The following CACNA1I variants were observed in gnomAD, a reference collection of about 807,000 sequenced individuals.
The protein encoded by CACNA1I is voltage-dependent T-type calcium channel subunit alpha-1I.
CACNA1I carries 74 observed loss-of-function variants against 201.6 expected under a neutral mutation model. The ratio of observed to expected loss-of-function variants is 0.37; its 90% CI spans 0.30 to 0.45. CACNA1I has a LOEUF of 0.45. Ranked by LOEUF, CACNA1I falls within the 20% of genes least tolerant of loss-of-function variation. CACNA1I has a pLI of 1.00. For synonymous variants in CACNA1I, 1,431 were observed against 1,345.2 expected, an observed-to-expected ratio of 1.06 and a Z score of -1.40; for missense variants, 2,346 against 3,138.1, an observed-to-expected ratio of 0.75 and a Z score of 6.03.
At position 39,677,629 on chromosome 22, in the gene CACNA1I, C is replaced by T. The variant is rs1935553731; in HGVS notation, c.4933+210C>T. Among the ~76,000 whole-genome samples the T allele has an allele frequency of 6.6e-6, 1 of 152,224 alleles. No individual in the cohort carries two copies. The highest frequency in any genetic ancestry group is 2.4e-5 in the African/African-American group (1 of 41,454). ...TGGTGCCTGTCCTGAGCCAGCGCCACCCCAGCAAGTGGAGAGGCCAGGGCA... is the reference window on the plus strand; with the variant it reads ...TGGTGCCTGTCCTGAGCCAGCGCCATCCCAGCAAGTGGAGAGGCCAGGGCA... On this transcript the variant is annotated intron_variant, in intron 30 of 36. Transcript: ENST00000402142. The surrounding 1 kb of genome is among the most constrained non-coding windows in gnomAD (Gnocchi z 4.8).
Position 39,677,856 on chromosome 22 carries a change from G to C in CACNA1I, c.4934-131G>C. ...CTCCCCGAGCCTCAGTTTATCTGTGGGCTGGGCACAGTCTGCAGGCCCCTC... is the reference window on the plus strand; with the variant it reads ...CTCCCCGAGCCTCAGTTTATCTGTGCGCTGGGCACAGTCTGCAGGCCCCTC... On this transcript the variant is annotated intron_variant, in intron 30 of 36. Transcript: ENST00000402142. The surrounding 1 kb of genome is among the most constrained non-coding windows in gnomAD (Gnocchi z 4.8). 4.8e-6 allele frequency: 5 copies of C among 1,043,148 alleles called. No individual in the cohort carries two copies. The highest frequency in any genetic ancestry group is 6.8e-6 in the Non-Finnish European group (5 of 740,234). The allele number at this position is 1,043,148 out of a possible 1,614,324, so 64.6% of individuals were successfully genotyped here.
chr22:39,611,688 G>A (rs992189717), intron 3 of CACNA1I, among the ~76,000 whole-genome samples: 1 of 152,184 alleles, frequency 6.6e-6, no homozygotes, highest in Admixed American at 6.5e-5. Context: ...TAACTGGGAA[G>A]CTTCTATTTA....
At chr22:39,583,424 C>T (rs116941104) in intron 1 of CACNA1I, among the ~76,000 whole-genome samples, 1,640 of 152,268 alleles carry the variant, frequency 0.011, 11 homozygotes, top group Admixed American at 0.018. Context: ...AGCCATCCAT[C>T]CATCTATCCA....
rs375623527 is a variant in CACNA1I at position 39,659,565 on chromosome 22, C to A, written c.2448+15C>A. 5.0e-6 allele frequency: 8 copies of A among 1,602,618 alleles called. No homozygotes were observed. The African/African-American group carries it at 9.4e-5, about 19-fold the overall frequency. On this transcript the variant is annotated intron_variant, in intron 13 of 36. Transcript: ENST00000402142. This position sits in a 1 kb window ranked among gnomAD's most constrained non-coding sequence, Gnocchi z 4.3. ...CTGTGTTCCAGGTGAGTGGCCGCTG[C>A]GTGTTCATGTTTGCTGGGGAAGCGA... is the stretch of plus-strand genomic sequence containing the variant.
At chr22:39,575,651 A>G (rs530712790) in intron 1 of CACNA1I, among the ~76,000 whole-genome samples, 1 of 152,188 alleles carries the variant, frequency 6.6e-6, no homozygotes, top group South Asian at 2.1e-4. Context: ...CAGTGCAGAC[A>G]TTGCTAATCG....
chr22:39,619,080 C>T (rs1158236797), intron 3 of CACNA1I, among the ~76,000 whole-genome samples: 1 of 152,208 alleles, frequency 6.6e-6, no homozygotes, highest in Non-Finnish European at 1.5e-5. Flanking sequence ...GTGCTCCCTT[C>T]ATGCTCTAAG....
At chr22:39,586,345 A>G (rs1423013142) in intron 1 of CACNA1I, among the ~76,000 whole-genome samples, 1 of 152,070 alleles carries the variant, frequency 6.6e-6, no homozygotes, top group East Asian at 1.9e-4. Flanking sequence ...TACAAAAATT[A>G]GCTGGACATG....
intron 5 of CACNA1I, among the ~76,000 whole-genome samples, chr22:39,640,100 G>A (rs1934315404): frequency 6.6e-6 from 1 of 152,138 alleles, no homozygotes; most frequent in African/African-American, 2.4e-5. Flanking sequence ...AAAGTCCAGA[G>A]AAGGGCAGCC....
chr22:39,585,126 C>T (rs6001625), intron 1 of CACNA1I, among the ~76,000 whole-genome samples: 24 of 152,186 alleles, frequency 1.6e-4, no homozygotes, highest in Non-Finnish European at 2.1e-4. Flanking sequence ...GTGGTGCAAT[C>T]TCGGCTCACC....
In CACNA1I at chr22:39,649,682, T is replaced by A. The variant is rs753997754; in HGVS notation, c.1749T>A (p.Ala583=). 5 of 1,514,924 alleles carry A rather than the reference T, an allele frequency of 3.3e-6. No homozygotes were observed. Among genetic ancestry groups the A allele is most frequent in the Non-Finnish European group, 4.4e-6 (5 of 1,127,974 alleles). The allele number at this position is 1,514,924 out of a possible 1,614,324, so 93.8% of individuals were successfully genotyped here. ...GQEGSGSGSS[A]GGEDEADGDG... is the part of the protein sequence containing the mutation. ...AGGGCTCGGGCTCCGGGAGCTCCGC[T>A]GGTGGCGAGGACGAGGCGGATGGGG... The change falls in exon 10 of 37, where the codon GCT becomes GCA. Residue 583 remains alanine (A), a synonymous_variant. Transcript: ENST00000402142. The surrounding 1 kb of genome is among the most constrained non-coding windows in gnomAD (Gnocchi z 7.3).
intron 9 of CACNA1I, 52 bp downstream of exon 9, chr22:39,647,978 C>A (rs944827840): frequency 6.7e-7 from 1 of 1,493,608 alleles, no homozygotes; most frequent in Admixed American, 1.7e-5. Context: ...AATACCACTT[C>A]TCCCAGTTGG....
At chr22:39,593,800 T>A (rs115198094) in intron 1 of CACNA1I, among the ~76,000 whole-genome samples, 1 of 152,334 alleles carries the variant, frequency 6.6e-6, no homozygotes, top group African/African-American at 2.4e-5. Context: ...CTGGTGACCT[T>A]GGGCCAATCT....
chr22:39,587,432 A>G lies in CACNA1I; in HGVS notation c.237-10719A>G, dbSNP rs910992167. 3.9e-5 allele frequency among the ~76,000 whole-genome samples: 6 copies of G among 152,194 alleles called. No individual in the cohort carries two copies. The South Asian group carries it at 1.0e-3, about 26-fold the overall frequency. On this transcript the variant is annotated intron_variant, in intron 1 of 36. Transcript: ENST00000402142. The stretch of plus-strand genomic sequence containing the variant: ...CCTGGCAGGTCTCTTCATTTTATGG[A>G]GCAGCTTTCTGTCTCAGCTCAATCA...
At position 39,670,810 on chromosome 22, in the gene CACNA1I, G is replaced by T. The variant is rs1481613559; in HGVS notation, c.4395G>T (p.Gln1465His). Residue 1465 changes from glutamine to histidine, a missense_variant, in exon 26 of 37, where the codon CAG becomes CAT. Physicochemically the swap from Gln to His is conservative, Grantham distance 24. Transcript: ENST00000402142. ...RRLEKKRRKA[Q>H]RLPYYATYCH... ...CCCCTGCACCACCTGCAGAGGCCCA[G>T]CGGCTGCCCTACTATGCCACCTATT... 6.2e-7 allele frequency: 1 copy of T among 1,613,886 alleles called. No homozygotes were observed. The highest frequency in any genetic ancestry group is 1.7e-5 in the Admixed American group (1 of 60,018).
At chr22:39,679,930 G>GCC in intron 33 of CACNA1I, 62 bp downstream of exon 33, 1 of 1,524,538 alleles carries the variant, frequency 6.6e-7, no homozygotes, top group Non-Finnish European at 8.9e-7. Context: ...CTGGTGGGGG[G>GCC]CCTGTCCGAG....
intron 1 of CACNA1I, among the ~76,000 whole-genome samples, chr22:39,594,477 G>A (rs1385110307): frequency 2.6e-5 from 4 of 152,166 alleles, no homozygotes; most frequent in African/African-American, 7.2e-5. Flanking sequence ...AGGCTCGAAG[G>A]GGGCCCTGGC....
chr22:39,598,298 T>TG, intron 2 of CACNA1I, 36 bp downstream of exon 2: 1 of 870,544 alleles, frequency 1.1e-6, no homozygotes, highest in Non-Finnish European at 1.5e-6. Flanking sequence ...CGCCCTGCCC[T>TG]CATCCTCCAG....
Position 39,677,197 on chromosome 22 carries a change from C to T in CACNA1I, c.4855-144C>T. ...CTCCAGGTCCTGTAGGGGTGGCAGA[C>T]GTGGACACACAGCCTGGGGGAATGT... On this transcript the variant is annotated intron_variant, in intron 29 of 36. Transcript: ENST00000402142. The surrounding 1 kb of genome is among the most constrained non-coding windows in gnomAD (Gnocchi z 4.8). The T allele has an allele frequency of 1.6e-6, 1 of 608,368 alleles. No homozygotes were observed. 37.7% of individuals were successfully genotyped at this position (608,368 alleles called of 1,614,324 possible).
chr22:39,658,078 T>C, intron 10 of CACNA1I, 74 bp from the exon 11 acceptor site: 2 of 1,502,872 alleles, frequency 1.3e-6, no homozygotes, highest in Non-Finnish European at 1.8e-6. Flanking sequence ...ACAGCCAGGG[T>C]GGGTGTCCAG....
Sources: gnomAD v4.1 joint callset for allele counts (sites outside exome capture counted in the v4.1 genomes callset) on GRCh38, gnomAD v4.1.1 for gene constraint, Gnocchi (gnomAD v3.1) non-coding constraint, MANE v1.5 for transcripts, NCBI Gene and HGNC (gene_info 2026-07-23, HGNC 2026-07-21) for gene names.